FARP1: variants seen among roughly 807,000 people sequenced by gnomAD.
FARP1 encodes the protein FERM, ARHGEF and pleckstrin domain-containing protein 1.
A neutral mutation model predicts 128.8 loss-of-function variants in FARP1; 52 were observed. The ratio of observed to expected loss-of-function variants is 0.40; its 90% CI spans 0.32 to 0.51. FARP1 has a LOEUF of 0.51. Among genes scored for constraint, FARP1 ranks in the 20% least tolerant of loss-of-function variants. The pLI is 0.45. For missense variants in FARP1, 1,333 were observed against 1,367.9 expected (o/e 0.97, Z 0.40); for synonymous variants, 580 against 551.8 (o/e 1.05, Z -0.72).
At chr13:98,444,950 A>C (rs983749198) in intron 24 of FARP1, among the ~76,000 whole-genome samples, 15 of 152,076 alleles carry the variant, frequency 9.9e-5, no homozygotes, top group African/African-American at 3.6e-4. Context: ...CCTTTCTGCC[A>C]CTGGGGGAGG....
chr13:98,425,367 GT>G (rs60633064), intron 17 of FARP1: 73 of 147,486 alleles, frequency 4.9e-4, no homozygotes, highest in Admixed American at 8.1e-4. Flanking sequence ...GGCAAATATA[GT>G]TTTTTTTTTT....
chr13:98,420,734 G>C (rs1891562399), intron 16 of FARP1, among the ~76,000 whole-genome samples: 1 of 152,196 alleles, frequency 6.6e-6, no homozygotes, highest in African/African-American at 2.4e-5. Flanking sequence ...TGCAGACAAG[G>C]ACCCCTTTCT....
rs1893013901 is a variant in FARP1, at chr13:98,448,605, C to T, written c.*288C>T. The T allele has an allele frequency of 2.7e-6, 1 of 370,318 alleles. No individual in the cohort carries two copies. 22.9% of individuals were successfully genotyped at this position (370,318 alleles called of 1,614,324 possible). On this transcript the variant is annotated 3_prime_UTR_variant, in exon 27 of 27. Transcript: ENST00000319562. ...GTGCCAAATGACATCTTCCCTCCAC[C>T]CTGCCCCTGAAAAACAGTACACACA...
At chr13:98,401,108 C>G (rs1185501291) in intron 13 of FARP1, 1 of 152,038 alleles carries the variant, frequency 6.6e-6, no homozygotes, top group Non-Finnish European at 1.5e-5. Flanking sequence ...TATATTGGCT[C>G]TCTGTTAGCC....
At chr13:98,368,319 T>C in intron 5 of FARP1, 124 bp downstream of exon 5, 1 of 701,082 alleles carries the variant, frequency 1.4e-6, no homozygotes, top group Admixed American at 2.7e-5. Flanking sequence ...TGTTCTGTAC[T>C]GAACAGTTTA....
intron 5 of FARP1, among the ~76,000 whole-genome samples, chr13:98,374,676 A>G (rs1889503367): frequency 6.6e-6 from 1 of 152,178 alleles, no homozygotes. Context: ...ACTGGAAGTC[A>G]TAGTCTGTTC....
intron 17 of FARP1, among the ~76,000 whole-genome samples, chr13:98,430,426 C>T (rs765116854): frequency 1.3e-5 from 2 of 152,190 alleles, no homozygotes; most frequent in Non-Finnish European, 2.9e-5. Context: ...TGGGAGTCCT[C>T]CCTCCCACCC....
chr13:98,195,866 A>C (rs983388145), intron 1 of FARP1, among the ~76,000 whole-genome samples: 1 of 152,076 alleles, frequency 6.6e-6, no homozygotes, highest in African/African-American at 2.4e-5. Flanking sequence ...CTCTACAAAA[A>C]TTTTAAAAAA....
chr13:98,216,190 T>C (rs1025019073), intron 2 of FARP1, among the ~76,000 whole-genome samples: 21 of 152,192 alleles, frequency 1.4e-4, no homozygotes, highest in African/African-American at 5.1e-4. Flanking sequence ...AGCATTTTTA[T>C]TGGTGGAGCT....
chr13:98,309,153 CT>C lies in FARP1; in HGVS notation c.172-34579del, dbSNP rs56030081. Among the ~76,000 whole-genome samples, 177 of 89,672 alleles carry C rather than the reference CT, an allele frequency of 2.0e-3. 17 individuals carry two copies. Among genetic ancestry groups the C allele is most frequent in the Non-Finnish European group, 2.4e-3 (116 of 48,396 alleles). 58.8% of individuals were successfully genotyped at this position (89,672 alleles called of 152,430 possible). On this transcript the variant is annotated intron_variant, in intron 2 of 26. Coordinates refer to ENST00000319562, the MANE Select transcript of FARP1 (RefSeq NM_005766.4). ...TATATTAATATTAATTTTAAGAGGC[CT>C]TTTTTTTTTTTTTTTTTTTTTTTTT...
At chr13:98,265,588 G>A (rs1884077130) in intron 2 of FARP1, among the ~76,000 whole-genome samples, 3 of 151,766 alleles carry the variant, frequency 2.0e-5, no homozygotes, top group South Asian at 4.2e-4. Flanking sequence ...CAAAGTGCTG[G>A]GATTACAGGC....
At chr13:98,431,455 A>G (rs1594529039) in intron 18 of FARP1, 175 bp downstream of exon 18, 1 of 479,812 alleles carries the variant, frequency 2.1e-6, no homozygotes, top group South Asian at 3.0e-5. Flanking sequence ...GTTTGGTTAC[A>G]TCTTGATTTT....
chr13:98,160,663 T>A (rs1005173647), intron 1 of FARP1, among the ~76,000 whole-genome samples: 25 of 152,190 alleles, frequency 1.6e-4, no homozygotes, highest in Admixed American at 3.3e-4. Flanking sequence ...AAAATTTTTT[T>A]AATTTAAATT....
intron 5 of FARP1, among the ~76,000 whole-genome samples, chr13:98,370,654 C>A (rs1263039019): frequency 1.1e-4 from 16 of 151,922 alleles, no homozygotes; most frequent in Admixed American, 1.0e-3. Flanking sequence ...AGTGGAGAGT[C>A]AGGGTGTTTC....
chr13:98,314,286 T>C (rs2139759921), intron 2 of FARP1, among the ~76,000 whole-genome samples: 1 of 138,450 alleles, frequency 7.2e-6, no homozygotes, highest in Non-Finnish European at 1.5e-5. Context: ...TTTTTTTTTT[T>C]TTTTTTTTTT....
rs1415810033 is a variant in FARP1 at position 98,215,007 on chromosome 13, C to T, written c.171+1594C>T. 3.3e-5 allele frequency among the ~76,000 whole-genome samples: 5 copies of T among 152,246 alleles called. No individual in the cohort carries two copies. In the East Asian group the frequency reaches 5.8e-4, roughly 18 times the overall value. On this transcript the variant is annotated intron_variant, in intron 2 of 26. Transcript: ENST00000319562. ...TTTCTAGCACACACATTCTATTACA[C>T]GGTGTTTCTGAGTGGGTTGGACTGT... is the stretch of plus-strand genomic sequence containing the variant.
At chr13:98,382,675 T>G (rs1387494304) in intron 6 of FARP1, 1 of 152,192 alleles carries the variant, frequency 6.6e-6, no homozygotes, top group African/African-American at 2.4e-5. Flanking sequence ...GGCGAAAATT[T>G]GGAGTCACCT....
At chr13:98,446,599 G>C in intron 25 of FARP1, 67 bp from the exon 26 acceptor site, 1 of 1,546,476 alleles carries the variant, frequency 6.5e-7, no homozygotes, top group Non-Finnish European at 8.9e-7. Context: ...CTGATGCGGG[G>C]CAGCAGCCAG....
intron 1 of FARP1, among the ~76,000 whole-genome samples, chr13:98,192,485 G>A (rs1195145124): frequency 1.3e-5 from 2 of 152,018 alleles, no homozygotes; most frequent in Non-Finnish European, 2.9e-5. Context: ...TGCCTCTCAG[G>A]TTCAAGGGAT....
Sources: allele counts gnomAD v4.1 joint callset (sites outside exome capture counted in the v4.1 genomes callset), GRCh38; gene constraint gnomAD v4.1.1; transcripts MANE v1.5; gene names NCBI Gene and HGNC (gene_info 2026-07-23, HGNC 2026-07-21).